IFT122: variants seen among roughly 807,000 people sequenced by gnomAD.
IFT122 encodes the protein intraflagellar transport protein 122 homolog.
IFT122 carries 118 observed loss-of-function variants against 161.6 expected under a neutral mutation model. The observed-to-expected ratio is 0.73, with a 90% CI of 0.63 to 0.85. IFT122 has a LOEUF of 0.85. IFT122 is among the 40% of genes least tolerant of loss of function. IFT122 has a pLI of 0.00. For missense variants in IFT122, 1,381 were observed against 1,579.6 expected (o/e 0.87, Z 2.13); for synonymous variants, 550 against 602.4 (o/e 0.91, Z 1.27).
At chr3:129,459,604 CCTT>C (rs1437924739) in intron 4 of IFT122, among the ~76,000 whole-genome samples, 1 of 150,050 alleles carries the variant, frequency 6.7e-6, no homozygotes, top group Non-Finnish European at 1.5e-5. Flanking sequence ...TTCCTTCCTT[CCTT>C]CTTTCCTTCC....
chr3:129,461,117 A>G, intron 4 of IFT122, 111 bp from the exon 5 acceptor site: 1 of 981,052 alleles, frequency 1.0e-6, no homozygotes, highest in Non-Finnish European at 1.6e-6. Context: ...CTTGCAGAAG[A>G]GCATGTGGTC....
chr3:129,516,286 G>GCA (rs375077150), intron 26 of IFT122, among the ~76,000 whole-genome samples: 1,749 of 89,586 alleles, frequency 0.02, 36 homozygotes, highest in Admixed American at 0.024. Context: ...GATTGCTCCT[G>GCA]CACACACACA....
chr3:129,457,658 A>G (rs1016680583), intron 3 of IFT122, among the ~76,000 whole-genome samples: 1 of 151,740 alleles, frequency 6.6e-6, no homozygotes, highest in African/African-American at 2.4e-5. Context: ...AAAGGAGTAC[A>G]TTTTTGAGAT....
intron 3 of IFT122, among the ~76,000 whole-genome samples, chr3:129,453,453 G>C (rs2075094523): frequency 6.6e-6 from 1 of 152,140 alleles, no homozygotes; most frequent in African/African-American, 2.4e-5. Context: ...GTGACATGAA[G>C]GGCCCTCTTG....
At chr3:129,513,872 G>A (rs2083134528) in intron 24 of IFT122, 1 of 248,304 alleles carries the variant, frequency 4.0e-6, no homozygotes, top group African/African-American at 3.2e-5. Flanking sequence ...GAGCTTCAAG[G>A]GGGCCCCAGA....
At chr3:129,495,717 G>C (rs1431279479) in intron 18 of IFT122, 110 bp downstream of exon 18, 13 of 1,267,640 alleles carry the variant, frequency 1.0e-5, no homozygotes, top group Non-Finnish European at 1.4e-5. Context: ...AACTAGCAAT[G>C]GTCTCAGAAA....
intron 24 of IFT122, chr3:129,514,129 A>G: frequency 1.8e-6 from 1 of 565,596 alleles, no homozygotes. Flanking sequence ...ATGAGCCATC[A>G]GCAGGCCCAG....
chr3:129,452,005 G>C lies in IFT122; in HGVS notation c.193+7G>C, dbSNP rs777823931. The stretch of plus-strand genomic sequence containing the variant: ...GTGGCATATGCGAAGGATGGTAAAA[G>C]GCTGCTCTGGGTTTCCATTCTCTAT... On this transcript the variant is annotated splice_region_variant and intron_variant, in intron 3 of 29. Transcript: ENST00000348417. The C allele has an allele frequency of 2.1e-5, 34 of 1,603,088 alleles. 1 individual carries two copies. Among genetic ancestry groups the C allele is most frequent in the Admixed American group, 8.3e-5 (5 of 59,988 alleles).
At chr3:129,471,210 A>G (rs910090713) in intron 9 of IFT122, among the ~76,000 whole-genome samples, 1 of 152,148 alleles carries the variant, frequency 6.6e-6, no homozygotes, top group Non-Finnish European at 1.5e-5. Context: ...AGAGTTTTAG[A>G]TGTGTGTAGC....
At chr3:129,495,345 G>T in intron 17 of IFT122, 101 bp from the exon 18 acceptor site, 1 of 1,509,548 alleles carries the variant, frequency 6.6e-7, no homozygotes, top group Non-Finnish European at 8.9e-7. Flanking sequence ...CCAGTAGGAA[G>T]GCCCAGGGGC....
chr3:129,443,389 G>C (rs2073528867), intron 1 of IFT122, among the ~76,000 whole-genome samples: 1 of 152,144 alleles, frequency 6.6e-6, no homozygotes, highest in African/African-American at 2.4e-5. Context: ...TATAAAAAGA[G>C]GCAGGTGGAG....
intron 5 of IFT122, 118 bp downstream of exon 5, chr3:129,461,422 C>A: frequency 1.3e-6 from 1 of 779,150 alleles, no homozygotes; most frequent in Non-Finnish European, 2.3e-6. Flanking sequence ...ACTTCTCTAC[C>A]TTCAATGGCT....
intron 1 of IFT122, among the ~76,000 whole-genome samples, chr3:129,442,579 CAA>C (rs397935692): frequency 8.1e-6 from 1 of 123,664 alleles, no homozygotes; most frequent in African/African-American, 2.9e-5. Flanking sequence ...AAAAACTAAA[CAA>C]AAAAAAAAAA....
chr3:129,487,947 T>A, intron 15 of IFT122: 1 of 446,298 alleles, frequency 2.2e-6, no homozygotes, highest in Non-Finnish European at 4.2e-6. Context: ...AGAGGCAGAG[T>A]GGGGAGGGGC....
intron 23 of IFT122, among the ~76,000 whole-genome samples, chr3:129,508,113 G>A (rs912200831): frequency 6.6e-6 from 1 of 152,170 alleles, no homozygotes; most frequent in Non-Finnish European, 1.5e-5. Flanking sequence ...ATTAACCAAA[G>A]GCTCGAGATC....
chr3:129,463,152 T>C, intron 5 of IFT122: 1 of 175,642 alleles, frequency 5.7e-6, no homozygotes, highest in Non-Finnish European at 1.2e-5. Flanking sequence ...GGATCCATCT[T>C]ATGTAACTAT....
chr3:129,459,682 CT>C (rs2075985684), intron 4 of IFT122, among the ~76,000 whole-genome samples: 1 of 29,632 alleles, frequency 3.4e-5, no homozygotes, highest in African/African-American at 1.9e-4. Context: ...CCCTCCCTCC[CT>C]TCTTCCTTCC....
At chr3:129,463,655 T>C in intron 6 of IFT122, 29 bp downstream of exon 6, 1 of 1,551,876 alleles carries the variant, frequency 6.4e-7, no homozygotes, top group Non-Finnish European at 8.9e-7. Flanking sequence ...ATAAGATTTA[T>C]GTTCCTTCAT....
chr3:129,464,221 T>C (rs532499939), intron 6 of IFT122, among the ~76,000 whole-genome samples: 3 of 152,316 alleles, frequency 2.0e-5, no homozygotes, highest in African/African-American at 7.2e-5. Context: ...CCGTTCAGCA[T>C]CTGTTGAGCA....
Sources: gnomAD v4.1 joint callset for allele counts (sites outside exome capture counted in the v4.1 genomes callset) on GRCh38, gnomAD v4.1.1 for gene constraint, MANE v1.5 for transcripts, NCBI Gene and HGNC (gene_info 2026-07-23, HGNC 2026-07-21) for gene names.